Variants in SDCCAG8 observed in about 807,000 individuals in gnomAD.
SDCCAG8 encodes SHH signaling and ciliogenesis regulator SDCCAG8.
A neutral mutation model predicts 101.8 loss-of-function variants in SDCCAG8; 74 were observed. That is an observed-to-expected ratio of 0.73 (90% CI 0.60 to 0.88). The LOEUF is 0.88. SDCCAG8 is among the 40% of genes least tolerant of loss of function. The probability of loss-of-function intolerance (pLI) is 0.00; values close to 1 mark genes in which losing one functional copy is unlikely to be tolerated. For synonymous variants in SDCCAG8, 281 were observed against 292.9 expected (o/e 0.96, Z 0.41); for missense variants, 787 against 822.6 (o/e 0.96, Z 0.53).
intron 8 of SDCCAG8, 75 bp from the exon 9 acceptor site, chr1:243,316,680 C>T (rs1373799841): frequency 1.3e-6 from 2 of 1,581,612 alleles, no homozygotes; most frequent in Non-Finnish European, 1.7e-6. Context: ...CATATTAATG[C>T]TTTTCTCTCC....
At chr1:243,488,534 C>T (rs982191347) in intron 16 of SDCCAG8, 4 of 202,504 alleles carry the variant, frequency 2.0e-5, no homozygotes, top group African/African-American at 9.3e-5. Context: ...AATTTAGGAT[C>T]TTTAAAGACA....
At chr1:243,418,187 T>A in intron 15 of SDCCAG8, 111 bp downstream of exon 15, 1 of 739,866 alleles carries the variant, frequency 1.4e-6, no homozygotes, top group Non-Finnish European at 2.4e-6. Flanking sequence ...AAATTAGGTA[T>A]CTGCTGATGT....
At chr1:243,358,221 T>A (rs2076498913) in intron 12 of SDCCAG8, among the ~76,000 whole-genome samples, 1 of 152,134 alleles carries the variant, frequency 6.6e-6, no homozygotes, top group African/African-American at 2.4e-5. Flanking sequence ...CTAGGATATG[T>A]AAGGTACATT....
intron 16 of SDCCAG8, among the ~76,000 whole-genome samples, chr1:243,465,436 C>A (rs1659934048): frequency 6.6e-6 from 1 of 152,210 alleles, no homozygotes; most frequent in South Asian, 2.1e-4. Context: ...TTTGGAAGAG[C>A]ATACATTAAC....
intron 16 of SDCCAG8, among the ~76,000 whole-genome samples, chr1:243,443,427 A>C (rs1027547781): frequency 7.2e-5 from 11 of 152,142 alleles, no homozygotes; most frequent in Non-Finnish European, 1.6e-4. Context: ...TAGGCAAATC[A>C]CTCAATGGGA....
chr1:243,410,501 G>C (rs2080094892), intron 13 of SDCCAG8, among the ~76,000 whole-genome samples: 1 of 151,938 alleles, frequency 6.6e-6, no homozygotes, highest in African/African-American at 2.4e-5. Context: ...TATCTTAAAA[G>C]GGAAACACCT....
chr1:243,398,990 C>T (rs2079198053), intron 13 of SDCCAG8, among the ~76,000 whole-genome samples: 1 of 152,178 alleles, frequency 6.6e-6, no homozygotes, highest in South Asian at 2.1e-4. Context: ...ATAAAGAGCC[C>T]ATGATCCTTT....
intron 16 of SDCCAG8, among the ~76,000 whole-genome samples, chr1:243,455,509 T>G (rs1320911482): frequency 6.6e-6 from 1 of 152,218 alleles, no homozygotes; most frequent in Non-Finnish European, 1.5e-5. Flanking sequence ...CCCCAAGTGA[T>G]CTGCCTGCCT....
chr1:243,284,501 T>C (rs536420971), intron 4 of SDCCAG8, among the ~76,000 whole-genome samples: 10 of 152,346 alleles, frequency 6.6e-5, no homozygotes, highest in African/African-American at 2.4e-4. Context: ...AGTCTTTTAG[T>C]AAAGCCTTTG....
chr1:243,258,136 G>A (rs2066911165), intron 1 of SDCCAG8, among the ~76,000 whole-genome samples: 1 of 151,904 alleles, frequency 6.6e-6, no homozygotes, highest in Non-Finnish European at 1.5e-5. Context: ...ACAATATAAG[G>A]TAGTGGAAAC....
At chr1:243,469,445 A>G (rs994575861) in intron 16 of SDCCAG8, among the ~76,000 whole-genome samples, 6 of 152,254 alleles carry the variant, frequency 3.9e-5, no homozygotes, top group African/African-American at 1.4e-4. Flanking sequence ...TGAAATATAC[A>G]TGCTGTCCTC....
At chr1:243,389,844 C>A (rs2078591679) in intron 13 of SDCCAG8, among the ~76,000 whole-genome samples, 1 of 152,136 alleles carries the variant, frequency 6.6e-6, no homozygotes, top group African/African-American at 2.4e-5. Context: ...AAGCTTGTTT[C>A]AAACTGAGAT....
chr1:243,338,841 C>T (rs973433583), intron 10 of SDCCAG8: 2 of 152,424 alleles, frequency 1.3e-5, no homozygotes, highest in Admixed American at 1.3e-4. Flanking sequence ...TGTCAACGTC[C>T]TGGACATCCA....
chr1:243,323,169 A>C (rs944235258), intron 9 of SDCCAG8, among the ~76,000 whole-genome samples: 5 of 151,390 alleles, frequency 3.3e-5, no homozygotes, highest in African/African-American at 2.4e-5. Context: ...AGTTCCACTG[A>C]AGAGTAATAC....
chr1:243,325,492 G>A (rs1480795516), intron 9 of SDCCAG8, among the ~76,000 whole-genome samples: 2 of 151,498 alleles, frequency 1.3e-5, no homozygotes, highest in Admixed American at 6.6e-5. Flanking sequence ...GTTCCTTGAC[G>A]TTTGTTGCCA....
chr1:243,371,308 T>G (rs950233111), intron 12 of SDCCAG8, among the ~76,000 whole-genome samples: 4 of 152,124 alleles, frequency 2.6e-5, no homozygotes, highest in Non-Finnish European at 5.9e-5. Context: ...AGAAAGATTA[T>G]AGGACTTGAA....
intron 13 of SDCCAG8, among the ~76,000 whole-genome samples, chr1:243,402,134 A>G (rs959656259): frequency 2.0e-5 from 3 of 152,208 alleles, no homozygotes; most frequent in African/African-American, 7.2e-5. Context: ...CACATTTTAA[A>G]AAGTAAAAGG....
chr1:243,312,747 A>G (rs1369010825), intron 8 of SDCCAG8, among the ~76,000 whole-genome samples: 1 of 151,730 alleles, frequency 6.6e-6, no homozygotes, highest in Non-Finnish European at 1.5e-5. Context: ...ACAGTTGACA[A>G]GGAGGGGATC....
intron 13 of SDCCAG8, among the ~76,000 whole-genome samples, chr1:243,410,419 C>A (rs1296461235): frequency 1.3e-5 from 2 of 152,172 alleles, no homozygotes; most frequent in East Asian, 3.8e-4. Flanking sequence ...GATTTTCAGC[C>A]AGTAAGCATG....
Sources: gnomAD v4.1 joint callset for allele counts (sites outside exome capture counted in the v4.1 genomes callset) on GRCh38, gnomAD v4.1.1 for gene constraint, MANE v1.5 for transcripts, NCBI Gene and HGNC (gene_info 2026-07-23, HGNC 2026-07-21) for gene names.